Variants in SLC35F5 observed in about 807,000 individuals in gnomAD.
SLC35F5 encodes the protein HCV NS5A-transactivated protein 3.
A neutral mutation model predicts 68.6 loss-of-function variants in SLC35F5; 54 were observed. That is an observed-to-expected ratio of 0.79 (90% CI 0.63 to 0.99). The LOEUF (loss-of-function observed/expected upper bound fraction) is 0.99. SLC35F5 is among the 50% of genes least tolerant of loss of function. The pLI is 0.00. For synonymous variants in SLC35F5, 211 were observed against 205.2 expected (o/e 1.03, Z -0.24); for missense variants, 567 against 626.9 (o/e 0.90, Z 1.02).
chr2:113,737,635 C>T (rs1450177792), intron 7 of SLC35F5, among the ~76,000 whole-genome samples: 1 of 152,212 alleles, frequency 6.6e-6, no homozygotes, highest in Non-Finnish European at 1.5e-5. Context: ...AACAACCTCA[C>T]TGGTCCATGC....
At chr2:113,704,691 C>T (rs989635823), downstream of SLC35F5, among the ~76,000 whole-genome samples, 13 of 151,798 alleles carry the variant, frequency 8.6e-5, no homozygotes, top group South Asian at 6.2e-4. Context: ...GCCTGCCGGC[C>T]GCTCCGAGTG....
At chr2:113,739,065 A>G (rs1013531108) in intron 7 of SLC35F5, among the ~76,000 whole-genome samples, 19 of 152,130 alleles carry the variant, frequency 1.2e-4, no homozygotes, top group African/African-American at 4.3e-4. Flanking sequence ...TCTATTGAAC[A>G]GCACTGCTCT....
At chr2:113,719,482 T>C in intron 13 of SLC35F5, 174 bp from the exon 14 acceptor site, 1 of 512,672 alleles carries the variant, frequency 2.0e-6, no homozygotes, top group Non-Finnish European at 3.2e-6. Context: ...ATTCAAGACT[T>C]CAACTTACTA....
intron 9 of SLC35F5, 64 bp downstream of exon 9, chr2:113,734,522 C>A: frequency 1.1e-6 from 1 of 924,184 alleles, no homozygotes; most frequent in South Asian, 1.6e-5. Context: ...CCTGGTGCCA[C>A]TATCAGAAAT....
downstream of SLC35F5, chr2:113,705,061 C>T (rs943032175): frequency 9.2e-5 from 14 of 152,160 alleles, no homozygotes; most frequent in African/African-American, 3.4e-4. Context: ...GACTGACAGT[C>T]AGAAAATGTG....
At chr2:113,752,118 A>T (rs1676769339) in intron 3 of SLC35F5, among the ~76,000 whole-genome samples, 1 of 151,756 alleles carries the variant, frequency 6.6e-6, no homozygotes, top group Non-Finnish European at 1.5e-5. Flanking sequence ...AGGCTGAGGC[A>T]GGAGAATTGC....
At chr2:113,741,447 T>C (rs1676268670) in intron 7 of SLC35F5, among the ~76,000 whole-genome samples, 1 of 152,182 alleles carries the variant, frequency 6.6e-6, no homozygotes, top group Non-Finnish European at 1.5e-5. Context: ...ATGCCTGTAA[T>C]CCCAACACTT....
intron 3 of SLC35F5, among the ~76,000 whole-genome samples, chr2:113,751,085 G>A (rs1484792317): frequency 6.6e-6 from 1 of 152,176 alleles, no homozygotes; most frequent in Admixed American, 6.5e-5. Flanking sequence ...GGTTGAGGCT[G>A]CAGTGAGCCA....
At chr2:113,734,697 A>G in intron 8 of SLC35F5, 24 bp from the exon 9 acceptor site, 1 of 1,436,340 alleles carries the variant, frequency 7.0e-7, no homozygotes, top group Non-Finnish European at 9.7e-7. Context: ...AGAATTTAAA[A>G]ATGGTACATG....
rs1686940637 is a variant in SLC35F5 at position 113,710,158 on chromosome 2, T to C, written c.*5060A>G. 6.6e-6 allele frequency among the ~76,000 whole-genome samples: 1 copy of C among 152,234 alleles called. No individual in the cohort carries two copies. The highest frequency in any genetic ancestry group is 2.4e-5 in the African/African-American group (1 of 41,456). On this transcript the variant is annotated 3_prime_UTR_variant, in exon 16 of 16. Coordinates refer to ENST00000245680, the MANE Select transcript of SLC35F5 (RefSeq NM_025181.5). ...ATTCAACAAGGCCTTCAGGTGATGC[T>C]GATGCTGTCTGAAAGCCACTGCTCT... is the stretch of plus-strand genomic sequence containing the variant.
Position 113,735,858 on chromosome 2 carries a change from A to C in SLC35F5, c.751T>G (p.Trp251Gly). 1 of 1,604,418 alleles carries C rather than the reference A, an allele frequency of 6.2e-7. No homozygotes were observed. ...AKISFFFCFVWFLANLSYQEA... is the reference protein window; with the variant it reads ...AKISFFFCFVGFLANLSYQEA... ...TGATATGACAAATTTGCCAAAAACC[A>C]CTAAAGAAAAAGAAAACCAAAGTGA... Residue 251 changes from tryptophan (W) to glycine (G), a missense_variant and splice_region_variant, in exon 8 of 16, where the codon TGG (tryptophan) becomes GGG (glycine). Transcript: ENST00000245680.
chr2:113,755,302 G>A lies in SLC35F5; in HGVS notation c.136C>T (p.Gln46Ter), dbSNP rs777862070. Residue 46 changes from glutamine (Q) to a stop codon, truncating the protein, a stop_gained, in exon 3 of 16, where the codon CAA (glutamine) becomes TAA (stop). Coordinates refer to ENST00000245680, the MANE Select transcript of SLC35F5 (RefSeq NM_025181.5). LOFTEE classifies it high-confidence loss of function. ...TTCATGACAAATACACACACCATTT[G>A]CAGTCTGTTTTTTAGAAAATACAGA... ...DLRRALKTRL[Q>*]MVCVFVMNRM... 3.7e-6 allele frequency: 6 copies of A among 1,613,858 alleles called. No individual in the cohort carries two copies. In the South Asian group the frequency reaches 4.4e-5, roughly 12 times the overall value.
At chr2:113,725,073 G>T (rs1687604754) in intron 12 of SLC35F5, among the ~76,000 whole-genome samples, 1 of 152,152 alleles carries the variant, frequency 6.6e-6, no homozygotes, top group Admixed American at 6.5e-5. Flanking sequence ...ATTAGATAAT[G>T]ACTACTTTCA....
chr2:113,703,672 T>C (rs568877204), downstream of SLC35F5: 1 of 152,230 alleles, frequency 6.6e-6, no homozygotes, highest in Non-Finnish European at 1.5e-5. Context: ...TTCTCCTCAA[T>C]ACCAATTCAA....
intron 7 of SLC35F5, among the ~76,000 whole-genome samples, chr2:113,741,281 G>C (rs187479908): frequency 9.1e-4 from 139 of 152,234 alleles, no homozygotes; most frequent in African/African-American, 3.2e-3. Flanking sequence ...GGCTGGGGGT[G>C]GTGGGAAAGA....
At chr2:113,732,586 T>C (rs1687942167) in intron 9 of SLC35F5, among the ~76,000 whole-genome samples, 2 of 152,190 alleles carry the variant, frequency 1.3e-5, no homozygotes, top group Admixed American at 1.3e-4. Flanking sequence ...AATTAAATCA[T>C]CCCAATTTTC....
intron 1 of SLC35F5, 21 bp from the exon 2 acceptor site, chr2:113,755,565 A>G: frequency 6.3e-7 from 1 of 1,599,636 alleles, no homozygotes; most frequent in Non-Finnish European, 8.6e-7. Flanking sequence ...CCATGAAATT[A>G]TGCTATGAAA....
intron 7 of SLC35F5, among the ~76,000 whole-genome samples, chr2:113,737,387 T>C (rs1688132538): frequency 6.6e-6 from 1 of 152,224 alleles, no homozygotes; most frequent in Admixed American, 6.5e-5. Flanking sequence ...ATTTCCTAGA[T>C]AATTTCACAT....
chr2:113,744,614 G>A (rs547679182), intron 5 of SLC35F5, among the ~76,000 whole-genome samples: 1 of 152,160 alleles, frequency 6.6e-6, no homozygotes, highest in East Asian at 1.9e-4. Flanking sequence ...AGCTGAGCGT[G>A]GTGGTGTGTG....
Sources: gnomAD v4.1 joint callset for allele counts (sites outside exome capture counted in the v4.1 genomes callset) on GRCh38, gnomAD v4.1.1 for gene constraint, MANE v1.5 for transcripts, NCBI Gene and HGNC (gene_info 2026-07-23, HGNC 2026-07-21) for gene names.